Variants in PDCD10 observed in about 807,000 individuals in gnomAD.
The protein encoded by PDCD10 is programmed cell death 10.
A neutral mutation model predicts 29.2 loss-of-function variants in PDCD10; 4 were observed. That is an observed-to-expected ratio of 0.14 (90% CI 0.07 to 0.31). PDCD10 has a LOEUF of 0.31. Among genes scored for constraint, PDCD10 ranks in the 10% least tolerant of loss-of-function variants. The pLI is 1.00. For synonymous variants in PDCD10, 70 were observed against 82.2 expected (o/e 0.85, Z 0.80); for missense variants, 183 against 257.9 (o/e 0.71, Z 1.99).
intron 2 of PDCD10, among the ~76,000 whole-genome samples, chr3:167,727,520 G>A (rs990078856): frequency 1.3e-5 from 2 of 152,158 alleles, no homozygotes; most frequent in African/African-American, 4.8e-5. Flanking sequence ...ATAATGCCTA[G>A]TTGAATAGTT....
At chr3:167,719,255 T>C (rs1178294591) in intron 3 of PDCD10, among the ~76,000 whole-genome samples, 1 of 152,006 alleles carries the variant, frequency 6.6e-6, no homozygotes, top group South Asian at 2.1e-4. Flanking sequence ...ATTAATAAAA[T>C]AGCAAAAAAA....
rs34154001 is a variant in PDCD10, at chr3:167,716,600, T to TA, written c.96+3461dup. ...TAATAAAAATAAGATTTTATCTTCT[T>TA]AAAAAAAAAGTAGGTAGGTAACGTT... On this transcript the variant is annotated intron_variant, in intron 3 of 8. Coordinates refer to ENST00000392750, the MANE Select transcript of PDCD10 (RefSeq NM_007217.4). 4.6e-5 allele frequency among the ~76,000 whole-genome samples: 7 copies of TA among 150,672 alleles called. No individual in the cohort carries two copies. In the South Asian group the frequency reaches 6.3e-4, roughly 14 times the overall value.
chr3:167,725,254 C>T (rs1232066853), intron 2 of PDCD10: 3 of 109,404 alleles, frequency 2.7e-5, no homozygotes, highest in Non-Finnish European at 5.1e-5. Context: ...GAGACTCTGT[C>T]TCAAAAAAGA....
intron 6 of PDCD10, among the ~76,000 whole-genome samples, chr3:167,689,941 G>A (rs528106511): frequency 1.3e-5 from 2 of 152,280 alleles, no homozygotes; most frequent in East Asian, 1.9e-4. Context: ...GCACCAAGGT[G>A]TGCACATAGA....
intron 4 of PDCD10, among the ~76,000 whole-genome samples, chr3:167,702,243 G>A (rs1721516854): frequency 6.6e-6 from 1 of 152,098 alleles, no homozygotes; most frequent in Non-Finnish European, 1.5e-5. Flanking sequence ...TGACATCCCT[G>A]AGCTAGCAAG....
In PDCD10 at chr3:167,683,864, T is replaced by TAC. The variant is rs1719299181; in HGVS notation, c.*443_*444insGT. The TAC allele has an allele frequency of 6.6e-6, 1 of 152,266 alleles. No individual in the cohort carries two copies. The highest frequency in any genetic ancestry group is 1.4e-5 in the Non-Finnish European group (1 of 69,446). 9.4% of individuals were successfully genotyped at this position (152,266 alleles called of 1,614,324 possible). The stretch of plus-strand genomic sequence containing the variant: ...TCATATATATATATATATATATATA[T>TAC]ATACACACATATATATATGCATTTT... On this transcript the variant is annotated 3_prime_UTR_variant, in exon 9 of 9. Transcript: ENST00000392750.
At position 167,712,960 on chromosome 3, in the gene PDCD10, T is replaced by C. The variant is rs140662585; in HGVS notation, c.96+7102A>G. On this transcript the variant is annotated intron_variant, in intron 3 of 8. Transcript: ENST00000392750. The stretch of plus-strand genomic sequence containing the variant: ...GGTGTACCCAGAAATATAAGGCAAA[T>C]ATTATTAGAACTAAATAGAGAGACT... Among the ~76,000 whole-genome samples, 806 of 152,138 alleles carry C rather than the reference T, an allele frequency of 5.3e-3. 5 individuals carry two copies. The highest frequency in any genetic ancestry group is 7.1e-3 in the Non-Finnish European group (485 of 67,904).
At chr3:167,723,795 C>A (rs1249843328) in intron 2 of PDCD10, among the ~76,000 whole-genome samples, 2 of 152,194 alleles carry the variant, frequency 1.3e-5, no homozygotes, top group Non-Finnish European at 2.9e-5. Context: ...TACTTTTAAA[C>A]ACACTTTTCT....
intron 4 of PDCD10, among the ~76,000 whole-genome samples, chr3:167,700,522 C>T (rs941602864): frequency 2.0e-5 from 3 of 151,782 alleles, no homozygotes; most frequent in Non-Finnish European, 4.4e-5. Context: ...AAAGCCATTG[C>T]TGCAGCTACA....
chr3:167,685,853 C>G (rs1039850879), intron 8 of PDCD10, among the ~76,000 whole-genome samples: 1 of 152,004 alleles, frequency 6.6e-6, no homozygotes, highest in South Asian at 2.1e-4. Flanking sequence ...GGAGCATTTC[C>G]CTTAGACAAA....
intron 3 of PDCD10, among the ~76,000 whole-genome samples, chr3:167,705,394 A>C (rs994523610): frequency 4.6e-5 from 7 of 152,194 alleles, no homozygotes; most frequent in African/African-American, 1.7e-4. Flanking sequence ...GAAACAATGT[A>C]ATCTATATAG....
chr3:167,733,232 GATTT>G (rs753893409), intron 2 of PDCD10, among the ~76,000 whole-genome samples: 6 of 152,224 alleles, frequency 3.9e-5, no homozygotes, highest in East Asian at 3.9e-4. Flanking sequence ...AGTAAGCCAT[GATTT>G]ATTACATGCT....
intron 6 of PDCD10, among the ~76,000 whole-genome samples, chr3:167,689,904 G>A (rs1394615624): frequency 6.6e-6 from 1 of 152,144 alleles, no homozygotes; most frequent in Non-Finnish European, 1.5e-5. Context: ...TTATCCATAT[G>A]TACACAGAAA....
At chr3:167,731,929 GGA>G (rs1330436277) in intron 2 of PDCD10, among the ~76,000 whole-genome samples, 1 of 152,138 alleles carries the variant, frequency 6.6e-6, no homozygotes, top group African/African-American at 2.4e-5. Context: ...AACAGTCCAA[GGA>G]GTGAGACGGA....
intron 8 of PDCD10, among the ~76,000 whole-genome samples, chr3:167,684,688 T>G (rs1719400371): frequency 1.3e-5 from 2 of 152,142 alleles, no homozygotes; most frequent in Admixed American, 1.3e-4. Flanking sequence ...AAAAGGAGGA[T>G]TCAGATGTGG....
rs375923324 is a variant in PDCD10 at position 167,695,565 on chromosome 3, A to G, written c.395+31T>C. The G allele has an allele frequency of 1.6e-5, 26 of 1,606,154 alleles. No homozygotes were observed. In the African/African-American group the frequency reaches 3.3e-4, roughly 21 times the overall value. ...GTAGTTCCTCGGAAGTACTTTTAAG[A>G]AAAGAAGAAACAAAACAAATAATTG... On this transcript the variant is annotated intron_variant, in intron 6 of 8. Transcript: ENST00000392750.
intron 6 of PDCD10, among the ~76,000 whole-genome samples, chr3:167,691,784 G>C (rs1350981103): frequency 6.6e-6 from 1 of 152,170 alleles, no homozygotes; most frequent in Non-Finnish European, 1.5e-5. Context: ...GTCTGTGATT[G>C]GGAAACAGCA....
intron 2 of PDCD10, among the ~76,000 whole-genome samples, chr3:167,728,988 AT>A (rs1166453755): frequency 6.6e-6 from 1 of 152,192 alleles, no homozygotes; most frequent in Admixed American, 6.5e-5. Context: ...AAACAAAAAA[AT>A]AACTTCACTA....
intron 2 of PDCD10, among the ~76,000 whole-genome samples, chr3:167,732,791 T>G (rs935906584): frequency 5.9e-5 from 9 of 152,212 alleles, no homozygotes; most frequent in African/African-American, 2.2e-4. Flanking sequence ...GGCAAATACC[T>G]ACATTGTCAT....
Sources: allele counts gnomAD v4.1 joint callset (sites outside exome capture counted in the v4.1 genomes callset), GRCh38; gene constraint gnomAD v4.1.1; transcripts MANE v1.5; gene names NCBI Gene and HGNC (gene_info 2026-07-23, HGNC 2026-07-21).